AGAP4: variants seen among roughly 807,000 people sequenced by gnomAD.
AGAP4 encodes arf-GAP with GTPase, ANK repeat and PH domain-containing protein 4.
AGAP4 carries 13 observed loss-of-function variants against 60.7 expected under a neutral mutation model. That is an observed-to-expected ratio of 0.21 (90% confidence interval 0.14 to 0.34). The LOEUF (loss-of-function observed/expected upper bound fraction) is 0.34, where lower values mean the gene tolerates loss of function less well. Ranked by LOEUF, AGAP4 falls within the 10% of genes least tolerant of loss-of-function variation. AGAP4 has a pLI of 1.00. For synonymous variants in AGAP4, 70 were observed against 339.0 expected (o/e 0.21, Z 8.72); for missense variants, 169 against 884.0 (o/e 0.19, Z 10.26).
At chr10:45,852,217 T>TAAAAAAAAAA (rs781889843), upstream of AGAP4, among the ~76,000 whole-genome samples, 3 of 91,710 alleles carry the variant, frequency 3.3e-5, no homozygotes, top group Admixed American at 1.3e-4. Flanking sequence ...GGCCAGACTT[T>TAAAAAAAAAA]AAAAAAAAAA....
In AGAP4 at chr10:45,847,484, G is replaced by A. The variant is rs1270465034; in HGVS notation, c.-137C>T. ...TCCTCGCCTGCCCACCTCACAGCGC[G>A]GCCCCGGGCACCAGCCCTGGCCCTG... On this transcript the variant is annotated 5_prime_UTR_variant, in exon 1 of 8. Transcript: ENST00000616763. 2.9e-5 allele frequency: 44 copies of A among 1,529,290 alleles called. No homozygotes were observed. The highest frequency in any genetic ancestry group is 7.9e-5 in the Admixed American group (4 of 50,874). 94.7% of individuals were successfully genotyped at this position (1,529,290 alleles called of 1,614,324 possible). A position where few individuals can be genotyped will look rare whatever the true frequency, so the allele number is the denominator to read the frequency against.
Position 45,831,425 on chromosome 10 carries a change from T to A in AGAP4, c.502A>T (p.Thr168Ser). 3.1e-6 allele frequency: 5 copies of A among 1,587,728 alleles called. 1 individual carries two copies. The South Asian group carries it at 5.6e-5, about 18-fold the overall frequency. Residue 168 changes from threonine (T) to serine (S), a missense_variant, in exon 6 of 8, where the codon ACC (threonine) becomes TCC (serine). Physicochemically the swap from Thr to Ser is moderately conservative, Grantham distance 58. Transcript: ENST00000616763. Reference sequence around the variant, plus strand: ...GTGATATGATGAGGTATCTCCAAGGTCACACTGTGGAAGGAAAAAAATTCA... The same window carrying A: ...GTGATATGATGAGGTATCTCCAAGGACACACTGTGGAAGGAAAAAAATTCA... ...HYLTMTIISV[T>S]LEIPHHITQR...
At chr10:45,849,464 G>T (rs2059054216), upstream of AGAP4, among the ~76,000 whole-genome samples, 1 of 135,162 alleles carries the variant, frequency 7.4e-6, no homozygotes, top group Admixed American at 8.4e-5. Context: ...TGTAGATGAT[G>T]ATGATGATGA....
In AGAP4 at chr10:45,827,401, CAGA is replaced by C. The variant is rs2058664765; in HGVS notation, c.586-14_586-12del. 2 of 1,589,474 alleles carry C rather than the reference CAGA, an allele frequency of 1.3e-6. No homozygotes were observed. Among genetic ancestry groups the C allele is most frequent in the African/African-American group, 2.9e-5 (2 of 68,724 alleles). On this transcript the variant is annotated splice_polypyrimidine_tract_variant and intron_variant, in intron 7 of 7. Transcript: ENST00000616763. ...GTGCACGGTGGAAACCTGTGTGGAA[CAGA>C]AGGAGGAATGGCTTCAAAAATTGGG...
chr10:45,830,619 G>T (rs1428418813), intron 6 of AGAP4, among the ~76,000 whole-genome samples: 1,212 of 117,612 alleles, frequency 0.01, 3 homozygotes, highest in Middle Eastern at 0.016. Context: ...CAGAATAGGT[G>T]GGACTACAGG....
chr10:45,846,299 G>C (rs1159750629), intron 2 of AGAP4, among the ~76,000 whole-genome samples: 1 of 149,960 alleles, frequency 6.7e-6, no homozygotes, highest in East Asian at 2.0e-4. Flanking sequence ...ATTATTTTAA[G>C]CACTCTCCTT....
rs2058731983 is a variant in AGAP4, at chr10:45,831,542, T to A, written c.498-113A>T. The stretch of plus-strand genomic sequence containing the variant: ...CCTAGTGGCCCTGAAATTCAAATCT[T>A]CTAGTTCAGAACAGTACCATAAGGG... On this transcript the variant is annotated intron_variant, in intron 5 of 7. Transcript: ENST00000616763. 8 of 941,120 alleles carry A rather than the reference T, an allele frequency of 8.5e-6. No homozygotes were observed. The African/African-American group carries it at 1.1e-4, about 13-fold the overall frequency. 58.3% of individuals were successfully genotyped at this position (941,120 alleles called of 1,614,324 possible).
chr10:45,850,578 A>C (rs1383148048), upstream of AGAP4, among the ~76,000 whole-genome samples: 153 of 152,366 alleles, frequency 1.0e-3, 1 homozygote, highest in African/African-American at 3.3e-3. Context: ...GCAACCAAAC[A>C]AATTAAGAGA....
chr10:45,832,429 C>T (rs1289493052), intron 5 of AGAP4, among the ~76,000 whole-genome samples: 6 of 149,370 alleles, frequency 4.0e-5, no homozygotes, highest in South Asian at 4.3e-4. Flanking sequence ...ACATTAAAAT[C>T]GCCTGAGAAG....
At chr10:45,830,483 T>C (rs2058714306) in intron 6 of AGAP4, among the ~76,000 whole-genome samples, 1 of 96,152 alleles carries the variant, frequency 1.0e-5, no homozygotes. Context: ...GCTTATTGCT[T>C]TTTTTGTTTG....
At chr10:45,849,251 A>G (rs1411901244), upstream of AGAP4, among the ~76,000 whole-genome samples, 6 of 151,554 alleles carry the variant, frequency 4.0e-5, no homozygotes, top group East Asian at 3.9e-4. Context: ...ACAAAACCCT[A>G]TAAGATCTCA....
chr10:45,850,922 G>A (rs1456624089), upstream of AGAP4, among the ~76,000 whole-genome samples: 3 of 152,110 alleles, frequency 2.0e-5, no homozygotes, highest in South Asian at 6.2e-4. Flanking sequence ...CCCAACATAT[G>A]TTTTCAAAAA....
upstream of AGAP4, among the ~76,000 whole-genome samples, chr10:45,852,462 A>G (rs1194165862): frequency 4.7e-5 from 7 of 148,886 alleles, no homozygotes; most frequent in African/African-American, 1.5e-4. Flanking sequence ...AAGTTAAAAG[A>G]AATAACAGCA....
chr10:45,845,753 C>A (rs1430645332), intron 2 of AGAP4, among the ~76,000 whole-genome samples: 1 of 82,180 alleles, frequency 1.2e-5, no homozygotes, highest in Non-Finnish European at 2.5e-5. Context: ...CAGTCATGTG[C>A]CACTACGCCC....
In AGAP4 at chr10:45,846,733, G is replaced by A; in HGVS notation, c.246C>T (p.Ala82=). The change falls in exon 2 of 8, where the codon GCC becomes GCT. Residue 82 remains alanine (A), a synonymous_variant. Coordinates refer to ENST00000616763, the MANE Select transcript of AGAP4 (RefSeq NM_001276343.3). Reference sequence around the variant, plus strand: ...GGAATATTGTGCTTGCCTCTGGATTGGCAGAAAGGTTAAACTCCAAAGCTA... The same window carrying A: ...GGAATATTGTGCTTGCCTCTGGATTAGCAGAAAGGTTAAACTCCAAAGCTA... ...MPEALEFNLS[A]NPEASTIFQR... is the part of the protein sequence containing the mutation. The A allele has an allele frequency of 2.3e-6, 3 of 1,302,270 alleles. No individual in the cohort carries two copies. The highest frequency in any genetic ancestry group is 3.1e-6 in the Non-Finnish European group (3 of 974,872). 80.7% of individuals were successfully genotyped at this position (1,302,270 alleles called of 1,614,324 possible).
intron 4 of AGAP4, among the ~76,000 whole-genome samples, chr10:45,838,343 G>C (rs1237087627): frequency 8.6e-5 from 13 of 151,902 alleles, no homozygotes; most frequent in Admixed American, 8.5e-4. Flanking sequence ...GGGTTCAGCG[G>C]ATACTGCTCA....
intron 1 of AGAP4, among the ~76,000 whole-genome samples, chr10:45,852,930 A>G (rs2059102121): frequency 6.6e-6 from 1 of 151,864 alleles, no homozygotes; most frequent in Non-Finnish European, 1.5e-5. Context: ...ACAATTGGAT[A>G]TGGAAAAGAA....
chr10:45,849,930 ATTTT>A (rs1196465005), upstream of AGAP4, among the ~76,000 whole-genome samples: 1,157 of 145,128 alleles, frequency 8.0e-3, 4 homozygotes, highest in Non-Finnish European at 0.011. Flanking sequence ...TTTTAAAAGA[ATTTT>A]TTTTTTATTT....
chr10:45,834,440 T>A (rs1348731328), intron 4 of AGAP4, among the ~76,000 whole-genome samples: 1 of 138,576 alleles, frequency 7.2e-6, no homozygotes, highest in Non-Finnish European at 1.5e-5. Context: ...CTTTGGGAGG[T>A]GGAGGCGGGC....
Sources: allele counts gnomAD v4.1 joint callset (sites outside exome capture counted in the v4.1 genomes callset), GRCh38; gene constraint gnomAD v4.1.1; transcripts MANE v1.5; gene names NCBI Gene and HGNC (gene_info 2026-07-23, HGNC 2026-07-21).